The following SNTB1 variants were observed in gnomAD, a reference collection of about 807,000 sequenced individuals.
SNTB1 encodes syntrophin beta 1.
SNTB1 carries 36 observed loss-of-function variants against 48.9 expected under a neutral mutation model. The observed-to-expected ratio is 0.74, with a 90% CI of 0.56 to 0.97. The LOEUF (loss-of-function observed/expected upper bound fraction) is 0.97. Among genes scored for constraint, SNTB1 ranks in the 50% least tolerant of loss-of-function variants. The pLI is 0.00. For missense variants in SNTB1, 786 were observed against 703.4 expected (o/e 1.12, Z -1.33); for synonymous variants, 299 against 294.6 (o/e 1.01, Z -0.15).
intron 1 of SNTB1, among the ~76,000 whole-genome samples, chr8:120,743,126 G>A (rs899145391): frequency 1.3e-5 from 2 of 152,172 alleles, no homozygotes; most frequent in Non-Finnish European, 1.5e-5. Context: ...GTCAGTGACT[G>A]TACTATAGAA....
rs147640866 is a variant in SNTB1, at chr8:120,738,594, G to A, written c.572-44686C>T. Among the ~76,000 whole-genome samples, 398 of 98,218 alleles carry A rather than the reference G, an allele frequency of 4.1e-3. 1 individual carries two copies. Among genetic ancestry groups the A allele is most frequent in the African/African-American group, 0.024 (388 of 16,024 alleles). 64.4% of individuals were successfully genotyped at this position (98,218 alleles called of 152,430 possible). A position where few individuals can be genotyped will look rare whatever the true frequency, so the allele number is the denominator to read the frequency against. Reference sequence around the variant, plus strand: ...CTTCCTTCCTTCCTTCCTTCTTAGTGTAACAATGTTCCTCCCTATAACTCA... The same window carrying A: ...CTTCCTTCCTTCCTTCCTTCTTAGTATAACAATGTTCCTCCCTATAACTCA... On this transcript the variant is annotated intron_variant, in intron 1 of 6. Transcript: ENST00000517992.
intron 5 of SNTB1, among the ~76,000 whole-genome samples, chr8:120,543,905 G>A (rs1257551186): frequency 6.6e-6 from 1 of 151,586 alleles, no homozygotes; most frequent in Non-Finnish European, 1.5e-5. Flanking sequence ...GATGTCTAAG[G>A]ACAGTAGCAT....
chr8:120,546,176 C>T (rs1357461448), intron 5 of SNTB1, among the ~76,000 whole-genome samples: 1 of 152,174 alleles, frequency 6.6e-6, no homozygotes, highest in Non-Finnish European at 1.5e-5. Context: ...GTTAGATTTA[C>T]TGGAAGACTT....
intron 3 of SNTB1, among the ~76,000 whole-genome samples, chr8:120,601,637 G>A (rs1211608038): frequency 1.3e-5 from 2 of 152,146 alleles, no homozygotes; most frequent in African/African-American, 4.8e-5. Flanking sequence ...TGCCCTGCTT[G>A]TGTCTGCAGT....
intron 2 of SNTB1, among the ~76,000 whole-genome samples, chr8:120,672,318 G>A (rs1478815247): frequency 3.3e-5 from 5 of 152,196 alleles, no homozygotes; most frequent in Non-Finnish European, 5.9e-5. Flanking sequence ...AATAAATCAT[G>A]AAATATTTTA....
chr8:120,658,013 TAGC>T (rs1458045870), intron 2 of SNTB1, among the ~76,000 whole-genome samples: 1 of 152,248 alleles, frequency 6.6e-6, no homozygotes, highest in Non-Finnish European at 1.5e-5. Context: ...TATGTGAAGT[TAGC>T]AGTGCTTCAA....
chr8:120,795,144 C>A (rs1452049103), intron 1 of SNTB1, among the ~76,000 whole-genome samples: 2 of 151,818 alleles, frequency 1.3e-5, no homozygotes, highest in Non-Finnish European at 1.5e-5. Flanking sequence ...TATCAAATAA[C>A]TATTTTATTC....
At chr8:120,612,920 T>C (rs1170235011) in intron 3 of SNTB1, among the ~76,000 whole-genome samples, 1 of 152,240 alleles carries the variant, frequency 6.6e-6, no homozygotes, top group African/African-American at 2.4e-5. Flanking sequence ...AATCTTCTCT[T>C]CTAGCTATTT....
chr8:120,801,647 T>G (rs369054743), intron 1 of SNTB1, among the ~76,000 whole-genome samples: 3 of 152,070 alleles, frequency 2.0e-5, no homozygotes, highest in East Asian at 3.9e-4. Flanking sequence ...AACTGTCCGA[T>G]TTTTTCATAT....
intron 2 of SNTB1, among the ~76,000 whole-genome samples, chr8:120,683,146 G>T (rs923599221): frequency 2.6e-5 from 4 of 152,096 alleles, no homozygotes; most frequent in African/African-American, 9.7e-5. Flanking sequence ...CTCCCAAAGT[G>T]CTGGGATTAC....
intron 1 of SNTB1, among the ~76,000 whole-genome samples, chr8:120,784,145 G>C (rs112884019): frequency 0.11 from 17,196 of 151,860 alleles, 1,388 homozygotes; most frequent in African/African-American, 0.22. Context: ...AGGCACCCAC[G>C]ATCACACCCA....
At chr8:120,614,788 T>C (rs1816685448) in intron 3 of SNTB1, among the ~76,000 whole-genome samples, 1 of 151,932 alleles carries the variant, frequency 6.6e-6, no homozygotes, top group Non-Finnish European at 1.5e-5. Flanking sequence ...TAAGACAGTA[T>C]GTTTTTTCCA....
chr8:120,591,385 C>T (rs913937007), intron 3 of SNTB1, among the ~76,000 whole-genome samples: 2 of 152,064 alleles, frequency 1.3e-5, no homozygotes, highest in Non-Finnish European at 2.9e-5. Context: ...TCACCTTTTT[C>T]CTCTATCCAT....
chr8:120,778,322 A>G (rs1318481686), intron 1 of SNTB1, among the ~76,000 whole-genome samples: 2 of 152,214 alleles, frequency 1.3e-5, no homozygotes, highest in Admixed American at 1.3e-4. Context: ...CCACAAAATG[A>G]TATTCTATTT....
chr8:120,806,211 C>T (rs147864796), intron 1 of SNTB1, among the ~76,000 whole-genome samples: 11 of 152,292 alleles, frequency 7.2e-5, no homozygotes, highest in African/African-American at 2.2e-4. Context: ...TTTTTAGCAA[C>T]GAAGTGCAGA....
Position 120,786,699 on chromosome 8 carries a change from T to C in SNTB1, c.571+24574A>G, listed in dbSNP as rs184862455. ...CAGAATACCAGGTCAAGAGTGTGAC[T>C]GGAAGGAGGACTGCTTTCCTGCTGG... On this transcript the variant is annotated intron_variant, in intron 1 of 6. Transcript: ENST00000517992. Among the ~76,000 whole-genome samples, 23 of 152,306 alleles carry C rather than the reference T, an allele frequency of 1.5e-4. 1 individual carries two copies. The highest frequency in any genetic ancestry group is 5.5e-4 in the African/African-American group (23 of 41,566).
At chr8:120,556,873 G>A (rs1258460666) in intron 4 of SNTB1, among the ~76,000 whole-genome samples, 1 of 152,164 alleles carries the variant, frequency 6.6e-6, no homozygotes, top group Non-Finnish European at 1.5e-5. Context: ...CTATCTAACA[G>A]CCTGCTTACT....
chr8:120,665,465 A>AATAG (rs1432702627), intron 2 of SNTB1, among the ~76,000 whole-genome samples: 1 of 102,156 alleles, frequency 9.8e-6, no homozygotes, highest in African/African-American at 3.1e-5. Flanking sequence ...TAAATAAATA[A>AATAG]ATAAAATATA....
At chr8:120,797,791 T>A (rs989543714) in intron 1 of SNTB1, among the ~76,000 whole-genome samples, 1 of 151,920 alleles carries the variant, frequency 6.6e-6, no homozygotes, top group African/African-American at 2.4e-5. Context: ...AATCGTCACC[T>A]CAGCCCTATA....
Sources: allele counts gnomAD v4.1 joint callset (sites outside exome capture counted in the v4.1 genomes callset), GRCh38; gene constraint gnomAD v4.1.1; transcripts MANE v1.5; gene names NCBI Gene and HGNC (gene_info 2026-07-23, HGNC 2026-07-21).